The following FANCI variants were observed in gnomAD, a reference collection of about 807,000 sequenced individuals.
The protein encoded by FANCI is FA complementation group I.
FANCI carries 156 observed loss-of-function variants against 176.1 expected under a neutral mutation model. The observed-to-expected ratio is 0.89, with a 90% confidence interval of 0.78 to 1.01. The LOEUF (loss-of-function observed/expected upper bound fraction) is 1.01. Among genes scored for constraint, FANCI ranks in the 50% least tolerant of loss-of-function variants. The pLI is 0.00. For missense variants in FANCI, 1,678 were observed against 1,534.1 expected (o/e 1.09, Z -1.57); for synonymous variants, 613 against 541.7 (o/e 1.13, Z -1.83).
At chr15:89,262,949 C>G (rs1031817818) in intron 6 of FANCI, among the ~76,000 whole-genome samples, 2 of 152,170 alleles carry the variant, frequency 1.3e-5, no homozygotes, top group Non-Finnish European at 2.9e-5. Context: ...CCAGGCTGGT[C>G]TCTTGAACTC....
At chr15:89,307,369 T>G in intron 32 of FANCI, 107 bp from the exon 33 acceptor site, 1 of 1,140,144 alleles carries the variant, frequency 8.8e-7, no homozygotes. Context: ...TGAATTTTGT[T>G]TTTCCTCTTC....
intron 37 of FANCI, 31 bp from the exon 38 acceptor site, chr15:89,316,365 CA>C (rs2055260232): frequency 6.3e-7 from 1 of 1,594,462 alleles, no homozygotes; most frequent in Middle Eastern, 1.7e-4. Context: ...GCAGGTTTAT[CA>C]CGTTAGAGCA....
rs2055271985 is a variant in FANCI at position 89,316,562 on chromosome 15, T to G, written c.*103T>G. The G allele has an allele frequency of 7.7e-7, 1 of 1,295,926 alleles. No individual in the cohort carries two copies. Among genetic ancestry groups the G allele is most frequent in the African/African-American group, 1.5e-5 (1 of 68,114 alleles). The allele number at this position is 1,295,926 out of a possible 1,614,324, so 80.3% of individuals were successfully genotyped here. ...GTAGTCCACACCGATGTTGGCATCT[T>G]GGTTCTGAACCCACTGAATTCAACT... On this transcript the variant is annotated 3_prime_UTR_variant, in exon 38 of 38. Coordinates refer to ENST00000310775, the MANE Select transcript of FANCI (RefSeq NM_001113378.2).
chr15:89,309,479 G>T (rs190958877), intron 34 of FANCI, among the ~76,000 whole-genome samples: 26 of 152,296 alleles, frequency 1.7e-4, no homozygotes, highest in African/African-American at 5.5e-4. Flanking sequence ...GACCAGTCAT[G>T]GTGGTTAATG....
intron 31 of FANCI, 89 bp from the exon 32 acceptor site, chr15:89,305,918 T>C (rs1314152995): frequency 4.4e-6 from 6 of 1,364,754 alleles, no homozygotes; most frequent in Non-Finnish European, 6.3e-6. Context: ...AAAGACTTTC[T>C]AGTTAGTAGT....
Position 89,306,066 on chromosome 15 carries a change from C to T in FANCI, c.3409C>T (p.Gln1137Ter). The T allele has an allele frequency of 1.2e-6, 2 of 1,614,208 alleles. No individual in the cohort carries two copies. Among genetic ancestry groups the T allele is most frequent in the Non-Finnish European group, 1.7e-6 (2 of 1,180,036 alleles). Residue 1137 changes from glutamine (Q) to a stop codon, truncating the protein, a stop_gained, in exon 32 of 38, where the codon CAA (glutamine) becomes TAA (stop). Transcript: ENST00000310775. LOFTEE classifies it high-confidence loss of function. ...GCCTGTTGAGAAAGCTATCATCATG[C>T]AACTGGGAACTCTGCTTACATTTTT... ...NQPVEKAIIM[Q>*]LGTLLTFFHE...
intron 36 of FANCI, 59 bp downstream of exon 36, chr15:89,314,766 A>G: frequency 3.9e-6 from 5 of 1,289,990 alleles, no homozygotes; most frequent in Non-Finnish European, 4.5e-6. Context: ...AGATCTGGCA[A>G]ACTGAAGCAG....
chr15:89,292,173 A>C (rs1217821056), intron 20 of FANCI, among the ~76,000 whole-genome samples: 2 of 152,198 alleles, frequency 1.3e-5, no homozygotes, highest in Admixed American at 1.3e-4. Context: ...AGGACAGCGA[A>C]GAGGATAAAA....
At chr15:89,275,544 A>T (rs187704809) in intron 12 of FANCI, among the ~76,000 whole-genome samples, 1 of 152,352 alleles carries the variant, frequency 6.6e-6, no homozygotes, top group South Asian at 2.1e-4. Flanking sequence ...TTGAATTTAC[A>T]TGAGCTTTGC....
At chr15:89,258,326 T>G (rs1385579519) in intron 2 of FANCI, among the ~76,000 whole-genome samples, 5 of 152,176 alleles carry the variant, frequency 3.3e-5, no homozygotes, top group East Asian at 1.9e-4. Context: ...CTTTTACAAT[T>G]TTTTTCTGCC....
rs925607987 is a variant in FANCI, at chr15:89,274,114, G to A, written c.976-54G>A. The A allele has an allele frequency of 4.6e-6, 6 of 1,314,080 alleles. No individual in the cohort carries two copies. In the African/African-American group the frequency reaches 8.8e-5, roughly 19 times the overall value. The allele number at this position is 1,314,080 out of a possible 1,614,324, so 81.4% of individuals were successfully genotyped here. On this transcript the variant is annotated intron_variant, in intron 11 of 37. Coordinates refer to ENST00000310775, the MANE Select transcript of FANCI (RefSeq NM_001113378.2). Reference sequence around the variant, plus strand: ...TCTTATTTCTTTCATTCTGTTAGGTGCTTGATCTTTTATTTATTTATTTTT... The same window carrying A: ...TCTTATTTCTTTCATTCTGTTAGGTACTTGATCTTTTATTTATTTATTTTT...
rs1194253495 is a variant in FANCI at position 89,305,893 on chromosome 15, T to C, written c.3350-114T>C. On this transcript the variant is annotated intron_variant, in intron 31 of 37. Transcript: ENST00000310775. ...CGATTAATTCACTCTGCATATTGAA[T>C]GTTCGTTTTTCCATAAAGACTTTCT... 5 of 1,153,016 alleles carry C rather than the reference T, an allele frequency of 4.3e-6. No homozygotes were observed. In the Admixed American group the frequency reaches 5.5e-5, roughly 13 times the overall value. The allele number at this position is 1,153,016 out of a possible 1,614,324, so 71.4% of individuals were successfully genotyped here.
intron 15 of FANCI, 50 bp from the exon 16 acceptor site, chr15:89,281,715 A>G (rs1222379110): frequency 1.9e-6 from 3 of 1,556,192 alleles, no homozygotes; most frequent in Non-Finnish European, 2.7e-6. Context: ...GAAATGACCT[A>G]AGGCTAATAA....
chr15:89,317,118 T>C lies in FANCI; in HGVS notation c.*659T>C, dbSNP rs1860021. On this transcript the variant is annotated 3_prime_UTR_variant, in exon 38 of 38. Coordinates refer to ENST00000310775, the MANE Select transcript of FANCI (RefSeq NM_001113378.2). ...CAAGAATGCACTCTATAGAATAAATTATCTTTAAACATTTCTTCTGTGGTT... is the reference window on the plus strand; with the variant it reads ...CAAGAATGCACTCTATAGAATAAATCATCTTTAAACATTTCTTCTGTGGTT... 0.036 allele frequency: 21,270 copies of C among 594,154 alleles called. 3,043 individuals are homozygous for C. Among genetic ancestry groups the C allele is most frequent in the African/African-American group, 0.33 (17,731 of 53,708 alleles). 36.8% of individuals were successfully genotyped at this position (594,154 alleles called of 1,614,324 possible).
chr15:89,270,991 T>C (rs1228418765), intron 10 of FANCI, among the ~76,000 whole-genome samples: 1 of 152,232 alleles, frequency 6.6e-6, no homozygotes, highest in Non-Finnish European at 1.5e-5. Flanking sequence ...TTTTTAAATT[T>C]AGGTTCGTAG....
intron 26 of FANCI, 32 bp from the exon 27 acceptor site, chr15:89,301,294 C>A: frequency 7.1e-7 from 1 of 1,418,422 alleles, no homozygotes; most frequent in Non-Finnish European, 1.0e-6. Context: ...TGTCTGCTAA[C>A]ATTGCTTGCT....
In FANCI at chr15:89,261,601, G is replaced by T; in HGVS notation, c.305G>T (p.Gly102Val). 1 of 1,614,092 alleles carries T rather than the reference G, an allele frequency of 6.2e-7. No individual in the cohort carries two copies. Among genetic ancestry groups the T allele is most frequent in the East Asian group, 2.2e-5 (1 of 44,858 alleles). The change falls in exon 5 of 38, where the codon GGA (glycine) becomes GTA (valine). Residue 102 changes from glycine to valine, a missense_variant. By Grantham distance (109) the Gly-to-Val change is moderately radical. Coordinates refer to ENST00000310775, the MANE Select transcript of FANCI (RefSeq NM_001113378.2). ...LLMLEAHHFP[G>V]PLLVELANEF... Reference sequence around the variant, plus strand: ...AACTTTTAGGCTCACCATTTTCCAGGACCATTATTGGTTGAATTAGCCAAT... The same window carrying T: ...AACTTTTAGGCTCACCATTTTCCAGTACCATTATTGGTTGAATTAGCCAAT...
At chr15:89,265,878 A>G (rs116060974) in intron 9 of FANCI, among the ~76,000 whole-genome samples, 2,211 of 152,198 alleles carry the variant, frequency 0.015, 49 homozygotes, top group African/African-American at 0.05. Context: ...GCCAGGGGCT[A>G]TTCTAAGCAC....
intron 2 of FANCI, among the ~76,000 whole-genome samples, chr15:89,253,535 ATAAATAAATAAG>A (rs2052356182): frequency 9.6e-6 from 1 of 103,868 alleles, no homozygotes; most frequent in Non-Finnish European, 1.9e-5. Flanking sequence ...AAATAAATAA[ATAAATAAATAAG>A]TATATGTTAG....
Sources: allele counts gnomAD v4.1 joint callset (sites outside exome capture counted in the v4.1 genomes callset), GRCh38; gene constraint gnomAD v4.1.1; transcripts MANE v1.5; gene names NCBI Gene and HGNC (gene_info 2026-07-23, HGNC 2026-07-21).